The following BEND4 variants were observed in gnomAD, a reference collection of about 807,000 sequenced individuals.
The protein encoded by BEND4 is BEN domain containing 4, also known as BEN domain-containing protein 4.
Under a neutral mutation model 54.7 loss-of-function variants are expected in BEND4, and 27 were observed. That is an observed-to-expected ratio of 0.49 (90% CI 0.36 to 0.68). The LOEUF is 0.68. Among genes scored for constraint, BEND4 ranks in the 30% least tolerant of loss-of-function variants. BEND4 has a pLI of 0.00. For synonymous variants in BEND4, 327 were observed against 299.5 expected, an observed-to-expected ratio of 1.09 and a Z score of -0.95; for missense variants, 702 against 697.2, an observed-to-expected ratio of 1.01 and a Z score of -0.08.
At chr4:42,132,635 G>A (rs1356463541) in intron 3 of BEND4, among the ~76,000 whole-genome samples, 2 of 151,926 alleles carry the variant, frequency 1.3e-5, no homozygotes, top group African/African-American at 4.8e-5. Flanking sequence ...CAGTAGAGAG[G>A]GAGTTTTACC....
Position 42,148,648 on chromosome 4 carries a change from C to A in BEND4, c.487+3009G>T, listed in dbSNP as rs374141137. Among the ~76,000 whole-genome samples the A allele has an allele frequency of 3.9e-5, 6 of 152,312 alleles. No homozygotes were observed. In the East Asian group the frequency reaches 7.7e-4, roughly 20 times the overall value. ...TTTATATGGTGGTTTATAGCTGACA[C>A]TTTTATCAGTTGAAGAAGATAAAAT... On this transcript the variant is annotated intron_variant, in intron 2 of 5. Coordinates refer to ENST00000502486, the MANE Select transcript of BEND4 (RefSeq NM_207406.4).
intron 3 of BEND4, among the ~76,000 whole-genome samples, chr4:42,142,111 T>C (rs1720909070): frequency 6.6e-6 from 1 of 151,590 alleles, no homozygotes; most frequent in Non-Finnish European, 1.5e-5. Context: ...TTCACCATGT[T>C]AGCCAGGATG....
intron 3 of BEND4, among the ~76,000 whole-genome samples, chr4:42,128,850 G>A (rs963239003): frequency 6.6e-6 from 1 of 151,838 alleles, no homozygotes; most frequent in African/African-American, 2.4e-5. Flanking sequence ...ACAGGAAAAC[G>A]GCGTGAACTC....
At position 42,115,579 on chromosome 4, in the gene BEND4, A is replaced by T. The variant is rs1420898514; in HGVS notation, c.*1939T>A. The T allele has an allele frequency of 6.6e-6, 1 of 152,226 alleles. No homozygotes were observed. Among genetic ancestry groups the T allele is most frequent in the Non-Finnish European group, 1.5e-5 (1 of 68,042 alleles). The allele number at this position is 152,226 out of a possible 1,614,324, so 9.4% of individuals were successfully genotyped here. A position where few individuals can be genotyped will look rare whatever the true frequency, so the allele number is the denominator to read the frequency against. On this transcript the variant is annotated 3_prime_UTR_variant, in exon 6 of 6. Coordinates refer to ENST00000502486, the MANE Select transcript of BEND4 (RefSeq NM_207406.4). ...AGTAAGGACAACTTAAGGCCAATGA[A>T]AAATTAAGGTAAGATGGAAAAACAG...
At chr4:42,126,820 G>A (rs1036644563) in intron 3 of BEND4, among the ~76,000 whole-genome samples, 1 of 152,066 alleles carries the variant, frequency 6.6e-6, no homozygotes, top group African/African-American at 2.4e-5. Flanking sequence ...AGACCTGCCT[G>A]GGCAATATAG....
intron 2 of BEND4, 73 bp from the exon 3 acceptor site, chr4:42,144,067 G>C (rs530954749): frequency 3.8e-6 from 4 of 1,051,248 alleles, no homozygotes; most frequent in Admixed American, 4.0e-5. Flanking sequence ...TCAATTTTCA[G>C]CTTAACATTC....
At chr4:42,123,705 A>AAAAAAAAACAAAAC (rs1553921991) in intron 4 of BEND4, among the ~76,000 whole-genome samples, 13 of 144,902 alleles carry the variant, frequency 9.0e-5, no homozygotes, top group African/African-American at 2.5e-4. Flanking sequence ...AAAAAAAAAA[A>AAAAAAAAACAAAAC]AAAAAAAAAA....
chr4:42,117,507 G>T lies in BEND4; in HGVS notation c.*11C>A. On this transcript the variant is annotated 3_prime_UTR_variant, in exon 6 of 6. Coordinates refer to ENST00000502486, the MANE Select transcript of BEND4 (RefSeq NM_207406.4). ...AGAGGACCAGCTGCTACAACAGGAA[G>T]ATTCTGTCCACTAATCCCCAGATCC... is the stretch of plus-strand genomic sequence containing the variant. 1.3e-6 allele frequency: 2 copies of T among 1,589,026 alleles called. No individual in the cohort carries two copies. Among genetic ancestry groups the T allele is most frequent in the Non-Finnish European group, 1.7e-6 (2 of 1,161,980 alleles).
rs1039153955 is a variant in BEND4, at chr4:42,117,368, A to C, written c.*150T>G. 3 of 616,086 alleles carry C rather than the reference A, an allele frequency of 4.9e-6. No homozygotes were observed. The highest frequency in any genetic ancestry group is 8.5e-6 in the Non-Finnish European group (3 of 352,480). The allele number at this position is 616,086 out of a possible 1,614,324, so 38.2% of individuals were successfully genotyped here. ...TGCCACAGACTTCCCAAACAACCCTAAAATGGATTTCTATTTGGGTACTGT... is the reference window on the plus strand; with the variant it reads ...TGCCACAGACTTCCCAAACAACCCTCAAATGGATTTCTATTTGGGTACTGT... On this transcript the variant is annotated 3_prime_UTR_variant, in exon 6 of 6. Transcript: ENST00000502486.
Position 42,143,856 on chromosome 4 carries a change from T to C in BEND4, c.626A>G (p.Asn209Ser), listed in dbSNP as rs374572332. The C allele has an allele frequency of 1.8e-5, 28 of 1,558,556 alleles. No individual in the cohort carries two copies. In the African/African-American group the frequency reaches 3.0e-4, roughly 17 times the overall value. The change falls in exon 3 of 6, where the codon AAC (asparagine) becomes AGC (serine). Residue 209 changes from asparagine to serine, a missense_variant. Physicochemically the swap from Asn to Ser is conservative, Grantham distance 46 (BLOSUM62 1). Coordinates refer to ENST00000502486, the MANE Select transcript of BEND4 (RefSeq NM_207406.4). Reference protein sequence around the residue: ...SCVKQEGSSYNERQEHCHIGK... With the variant: ...SCVKQEGSSYSERQEHCHIGK... ...AATGTGACAGTGCTCCTGTCTTTCG[T>C]TGTAACTTGAGCCTTCCTGCTTTAC...
rs1044446643 is a variant in BEND4 at position 42,116,423 on chromosome 4, T to A, written c.*1095A>T. ...CAGGGGATAGCGGCACAGTGCTGAC[T>A]TAGCCATAGCTAAGGGGTACATTGG... On this transcript the variant is annotated 3_prime_UTR_variant, in exon 6 of 6. Coordinates refer to ENST00000502486, the MANE Select transcript of BEND4 (RefSeq NM_207406.4). 9.9e-5 allele frequency: 15 copies of A among 152,196 alleles called. No homozygotes were observed. The highest frequency in any genetic ancestry group is 7.7e-4 in the East Asian group (4 of 5,204). 9.4% of individuals were successfully genotyped at this position (152,196 alleles called of 1,614,324 possible). A position where few individuals can be genotyped will look rare whatever the true frequency, so the allele number is the denominator to read the frequency against.
At position 42,123,708 on chromosome 4, in the gene BEND4, A is replaced by ACAAAAAAAAC. The variant is rs1225002892; in HGVS notation, c.1146+1874_1146+1875insGTTTTTTTTG. 7.1e-4 allele frequency among the ~76,000 whole-genome samples: 108 copies of ACAAAAAAAAC among 151,388 alleles called. 2 individuals carry two copies. The highest frequency in any genetic ancestry group is 2.4e-3 in the African/African-American group (99 of 41,316). The stretch of plus-strand genomic sequence containing the variant: ...TCTGTAATTCAGAAAAAAAAAAAAA[A>ACAAAAAAAAC]AAAAAAAAACAACTTTCCAGGGTGG... On this transcript the variant is annotated intron_variant, in intron 4 of 5. Coordinates refer to ENST00000502486, the MANE Select transcript of BEND4 (RefSeq NM_207406.4).
In BEND4 at chr4:42,113,893, T is replaced by C. The variant is rs1293325817; in HGVS notation, c.*3625A>G. 1.3e-5 allele frequency: 2 copies of C among 152,208 alleles called. No individual in the cohort carries two copies. The highest frequency in any genetic ancestry group is 2.9e-5 in the Non-Finnish European group (2 of 68,044). The allele number at this position is 152,208 out of a possible 1,614,324, so 9.4% of individuals were successfully genotyped here. On this transcript the variant is annotated 3_prime_UTR_variant, in exon 6 of 6. Coordinates refer to ENST00000502486, the MANE Select transcript of BEND4 (RefSeq NM_207406.4). ...TGCTCTAATATTATCCTTACATTCC[T>C]AGTGAAGCTTAATGAAACATAAATG... is the stretch of plus-strand genomic sequence containing the variant.
rs992694731 is a variant in BEND4, at chr4:42,111,456, G to A, written c.*6062C>T. On this transcript the variant is annotated 3_prime_UTR_variant, in exon 6 of 6. Transcript: ENST00000502486. Reference sequence around the variant, plus strand: ...GACATAAAGGCAATGCCTAAATTGCGCAGGGTCGGGCTGGAACAGTGACCT... The same window carrying A: ...GACATAAAGGCAATGCCTAAATTGCACAGGGTCGGGCTGGAACAGTGACCT... 5.3e-5 allele frequency: 8 copies of A among 152,152 alleles called. No homozygotes were observed. The highest frequency in any genetic ancestry group is 1.3e-4 in the Admixed American group (2 of 15,276). 9.4% of individuals were successfully genotyped at this position (152,152 alleles called of 1,614,324 possible). A position where few individuals can be genotyped will look rare whatever the true frequency, so the allele number is the denominator to read the frequency against.
intron 3 of BEND4, among the ~76,000 whole-genome samples, chr4:42,138,615 A>ATG (rs1453557669): frequency 2.6e-5 from 4 of 152,336 alleles, no homozygotes; most frequent in South Asian, 4.1e-4. Flanking sequence ...ATGTGTAACT[A>ATG]TGTGAGATGA....
intron 5 of BEND4, among the ~76,000 whole-genome samples, chr4:42,119,177 C>T (rs1461250579): frequency 6.6e-6 from 1 of 151,980 alleles, no homozygotes; most frequent in Non-Finnish European, 1.5e-5. Context: ...GTATTCTTTC[C>T]AATAACTAGG....
At chr4:42,131,371 A>G (rs1720503398) in intron 3 of BEND4, among the ~76,000 whole-genome samples, 1 of 152,230 alleles carries the variant, frequency 6.6e-6, no homozygotes, top group African/African-American at 2.4e-5. Flanking sequence ...TGTTAACGAT[A>G]ATAGTTAACA....
At chr4:42,129,055 T>C (rs1720408278) in intron 3 of BEND4, among the ~76,000 whole-genome samples, 1 of 152,230 alleles carries the variant, frequency 6.6e-6, no homozygotes, top group Non-Finnish European at 1.5e-5. Flanking sequence ...CAAAAGCTTC[T>C]TAAGCTGATA....
At position 42,151,763 on chromosome 4, in the gene BEND4, G is replaced by A. The variant is rs930300697; in HGVS notation, c.381C>T (p.Ser127=). The change falls in exon 2 of 6, where the codon TCC becomes TCT. Residue 127 remains serine, a synonymous_variant. Coordinates refer to ENST00000502486, the MANE Select transcript of BEND4 (RefSeq NM_207406.4). The stretch of plus-strand genomic sequence containing the variant: ...CGACAGCGGCGAACGAAGACGACGA[G>A]GAGGCGGCGGGGGACGCGGGCGGCG... ...AQPPPASPAA[S]SSSSFAAVVR... 1.7e-5 allele frequency: 26 copies of A among 1,498,112 alleles called. No individual in the cohort carries two copies. The highest frequency in any genetic ancestry group is 1.9e-5 in the Non-Finnish European group (22 of 1,130,492). 92.8% of individuals were successfully genotyped at this position (1,498,112 alleles called of 1,614,324 possible).
Sources: gnomAD v4.1 joint callset for allele counts (sites outside exome capture counted in the v4.1 genomes callset) on GRCh38, gnomAD v4.1.1 for gene constraint, MANE v1.5 for transcripts, NCBI Gene and HGNC (gene_info 2026-07-23, HGNC 2026-07-21) for gene names.